Variants in ACTR10 observed in about 807,000 individuals in gnomAD.
ACTR10 encodes actin-related protein 10.
In ACTR10, 43 loss-of-function variants were observed where a neutral mutation model predicts 56.2. The ratio of observed to expected loss-of-function variants is 0.77; its 90% CI spans 0.60 to 0.99. The LOEUF (loss-of-function observed/expected upper bound fraction) is 0.99. Among genes scored for constraint, ACTR10 ranks in the 50% least tolerant of loss-of-function variants. The pLI, the probability that ACTR10 is intolerant of heterozygous loss-of-function variation, is 0.00. For synonymous variants in ACTR10, 170 were observed against 176.3 expected, an observed-to-expected ratio of 0.96 and a Z score of 0.28; for missense variants, 466 against 507.8, an observed-to-expected ratio of 0.92 and a Z score of 0.79.
rs573597250 is a variant in ACTR10, at chr14:58,203,699, T to G, written c.150+772T>G. Among the ~76,000 whole-genome samples, 7 of 152,312 alleles carry G rather than the reference T, an allele frequency of 4.6e-5. No homozygotes were observed. The South Asian group carries it at 1.2e-3, about 27-fold the overall frequency. Reference sequence around the variant, plus strand: ...TATAATATATCAGATATTTATTCCCTTATTTACAGTTTCAAAACCCAGAGA... The same window carrying G: ...TATAATATATCAGATATTTATTCCCGTATTTACAGTTTCAAAACCCAGAGA... On this transcript the variant is annotated intron_variant, in intron 2 of 12. Transcript: ENST00000254286.
chr14:58,219,556 G>C (rs1889216652), intron 7 of ACTR10, 138 bp from the exon 8 acceptor site: 5 of 507,668 alleles, frequency 9.8e-6, no homozygotes, highest in Non-Finnish European at 1.7e-5. Flanking sequence ...AAATTTTTCT[G>C]TTAGACTTTT....
chr14:58,201,180 A>G (rs1888695644), intron 1 of ACTR10, among the ~76,000 whole-genome samples: 1 of 152,254 alleles, frequency 6.6e-6, no homozygotes, highest in Non-Finnish European at 1.5e-5. Flanking sequence ...CTAAGTGGTT[A>G]AAAGAGCCTA....
intron 8 of ACTR10, among the ~76,000 whole-genome samples, chr14:58,223,075 C>T (rs1402213814): frequency 1.3e-5 from 2 of 152,064 alleles, no homozygotes; most frequent in African/African-American, 4.8e-5. Context: ...GATGAATGTA[C>T]AACATGTTTT....
At chr14:58,230,821 C>G (rs148880317) in intron 11 of ACTR10, among the ~76,000 whole-genome samples, 1 of 150,942 alleles carries the variant, frequency 6.6e-6, no homozygotes. Context: ...AGTGCAGTGG[C>G]GCGATCTCAG....
rs750625462 is a variant in ACTR10 at position 58,231,056 on chromosome 14, C to CT, written c.870+584dup. On this transcript the variant is annotated intron_variant, in intron 11 of 12. Coordinates refer to ENST00000254286, the MANE Select transcript of ACTR10 (RefSeq NM_018477.3). ...ACAAGCGTGAGCCACCGCACCTGGC[C>CT]TTTTTTTTCTCTTTTTTTGACAGTG... 201 of 319,022 alleles carry CT rather than the reference C, an allele frequency of 6.3e-4. 2 individuals carry two copies. The highest frequency in any genetic ancestry group is 9.1e-4 in the South Asian group (42 of 46,318). 19.8% of individuals were successfully genotyped at this position (319,022 alleles called of 1,614,324 possible).
intron 10 of ACTR10, among the ~76,000 whole-genome samples, chr14:58,225,116 C>T (rs1437124606): frequency 4.6e-5 from 7 of 152,078 alleles, no homozygotes; most frequent in African/African-American, 1.4e-4. Context: ...GACTGTGTTC[C>T]GGTAAAACTA....
chr14:58,229,724 T>C (rs540468964), intron 10 of ACTR10, among the ~76,000 whole-genome samples: 46 of 151,580 alleles, frequency 3.0e-4, no homozygotes, highest in Non-Finnish European at 5.0e-4. Flanking sequence ...TTACTACTTA[T>C]GGAAGGTGAT....
At chr14:58,208,605 G>C (rs979168245) in intron 3 of ACTR10, among the ~76,000 whole-genome samples, 7 of 151,886 alleles carry the variant, frequency 4.6e-5, no homozygotes, top group Non-Finnish European at 8.8e-5. Context: ...TGTAGTACCA[G>C]CTACTCAGGA....
chr14:58,207,798 GTATT>G, intron 2 of ACTR10, 134 bp from the exon 3 acceptor site: 1 of 433,176 alleles, frequency 2.3e-6, no homozygotes, highest in Non-Finnish European at 3.6e-6. Context: ...AGATTACTCT[GTATT>G]TAATTTTTAT....
intron 11 of ACTR10, among the ~76,000 whole-genome samples, chr14:58,231,383 T>A (rs1889530177): frequency 6.6e-6 from 1 of 152,228 alleles, no homozygotes; most frequent in Non-Finnish European, 1.5e-5. Flanking sequence ...GACCAGATTT[T>A]TATTTTGTAC....
intron 8 of ACTR10, among the ~76,000 whole-genome samples, chr14:58,220,868 A>G (rs776989049): frequency 1.3e-5 from 2 of 152,234 alleles, no homozygotes; most frequent in Non-Finnish European, 2.9e-5. Flanking sequence ...TGCTAACTTC[A>G]TTATAAGGAA....
intron 8 of ACTR10, among the ~76,000 whole-genome samples, chr14:58,222,793 G>A (rs1482248118): frequency 4.1e-5 from 6 of 146,544 alleles, no homozygotes; most frequent in Admixed American, 2.1e-4. Context: ...AAAAATTGGC[G>A]TTGTGTTCTG....
intron 7 of ACTR10, among the ~76,000 whole-genome samples, chr14:58,217,447 C>T (rs955584314): frequency 2.0e-5 from 3 of 151,962 alleles, no homozygotes; most frequent in African/African-American, 7.3e-5. Flanking sequence ...GTGAGTGGGT[C>T]ACTTGAGGTC....
At chr14:58,232,400 TTTTC>T in intron 12 of ACTR10, 133 bp downstream of exon 12, 28 of 448,910 alleles carry the variant, frequency 6.2e-5, no homozygotes, top group South Asian at 1.6e-4. Context: ...AACACTGACT[TTTTC>T]TTTTTTTTTT....
rs567745895 is a variant in ACTR10, at chr14:58,214,615, C to T, written c.519-590C>T. Among the ~76,000 whole-genome samples the T allele has an allele frequency of 1.1e-4, 16 of 151,168 alleles. No individual in the cohort carries two copies. The South Asian group carries it at 3.1e-3, about 29-fold the overall frequency. The stretch of plus-strand genomic sequence containing the variant: ...AAGCGATTCTCCTACCTCAGCCTCC[C>T]GAGTAGCTGGGACTACAGGCGTGCG... On this transcript the variant is annotated intron_variant, in intron 6 of 12. Transcript: ENST00000254286.
chr14:58,226,009 A>G (rs4035222), intron 10 of ACTR10, among the ~76,000 whole-genome samples: 111,618 of 151,896 alleles, frequency 0.73, 41,650 homozygotes, highest in Middle Eastern at 0.88. Flanking sequence ...ACCGTGCCTG[A>G]CTGGTAGTTC....
At chr14:58,201,888 A>G (rs1888713243) in intron 1 of ACTR10, among the ~76,000 whole-genome samples, 1 of 151,882 alleles carries the variant, frequency 6.6e-6, no homozygotes, top group South Asian at 2.1e-4. Context: ...CCGAAATCCT[A>G]GCACTTTGGG....
At chr14:58,215,175 A>T (rs776582885) in intron 6 of ACTR10, 30 bp from the exon 7 acceptor site, 2 of 1,377,274 alleles carry the variant, frequency 1.5e-6, no homozygotes, top group Admixed American at 4.1e-5. Flanking sequence ...CAATATTTTC[A>T]TTCCAGTAAC....
Position 58,208,074 on chromosome 14 carries a change from T to C in ACTR10, c.233+56T>C, listed in dbSNP as rs935287595. The C allele has an allele frequency of 1.3e-5, 18 of 1,431,142 alleles. No individual in the cohort carries two copies. The Admixed American group carries it at 4.9e-4, about 39-fold the overall frequency. 88.7% of individuals were successfully genotyped at this position (1,431,142 alleles called of 1,614,324 possible). ...GATTAGATAGATTTTCCTAATGCCA[T>C]AGTGATAATTGGTTGTGTTACAGCT... On this transcript the variant is annotated intron_variant, in intron 3 of 12. Coordinates refer to ENST00000254286, the MANE Select transcript of ACTR10 (RefSeq NM_018477.3).
Sources: gnomAD v4.1 joint callset for allele counts (sites outside exome capture counted in the v4.1 genomes callset) on GRCh38, gnomAD v4.1.1 for gene constraint, MANE v1.5 for transcripts, NCBI Gene and HGNC (gene_info 2026-07-23, HGNC 2026-07-21) for gene names.